Variants in SLC5A10 observed in about 807,000 individuals in gnomAD.
SLC5A10 encodes the protein solute carrier family 5 member 10, also known as sodium/mannose cotransporter SLC5A10.
SLC5A10 carries 55 observed loss-of-function variants against 68.9 expected under a neutral mutation model. The ratio of observed to expected loss-of-function variants is 0.80; its 90% CI spans 0.64 to 1.00. The LOEUF is 1.00. Among genes scored for constraint, SLC5A10 ranks in the 50% least tolerant of loss-of-function variants. The pLI, the probability that SLC5A10 is intolerant of heterozygous loss-of-function variation, is 0.00. For missense variants in SLC5A10, 732 were observed against 819.3 expected, an observed-to-expected ratio of 0.89 and a Z score of 1.30; for synonymous variants, 344 against 344.8, an observed-to-expected ratio of 1.00 and a Z score of 0.02.
At chr17:19,012,199 A>G (rs1377392182) in intron 9 of SLC5A10, among the ~76,000 whole-genome samples, 1 of 152,216 alleles carries the variant, frequency 6.6e-6, no homozygotes, top group Non-Finnish European at 1.5e-5. Context: ...CCTACGTATC[A>G]CTAGGCCAAA....
At chr17:18,950,686 A>G (rs760006985), upstream of SLC5A10, 151 of 985,182 alleles carry the variant, frequency 1.5e-4, no homozygotes, top group Non-Finnish European at 1.7e-4. Flanking sequence ...CTAGTCCTGT[A>G]TGTGAGGACT....
Position 19,003,863 on chromosome 17 carries a change from G to A in SLC5A10, c.983-9547G>A. 1 of 1,613,034 alleles carries A rather than the reference G, an allele frequency of 6.2e-7. No individual in the cohort carries two copies. Among genetic ancestry groups the A allele is most frequent in the Non-Finnish European group, 8.5e-7 (1 of 1,179,930 alleles). ...CAGGATGCGCTTGAGCTCCAGCTCCGAGAGGAAGTCTCGGATGTTCTCCCG... is the reference window on the plus strand; with the variant it reads ...CAGGATGCGCTTGAGCTCCAGCTCCAAGAGGAAGTCTCGGATGTTCTCCCG... On this transcript the variant is annotated intron_variant, in intron 9 of 14. Transcript: ENST00000395645. This position sits in a 1 kb window ranked among gnomAD's most constrained non-coding sequence, Gnocchi z 4.5.
chr17:18,968,921 C>T lies in SLC5A10; in HGVS notation c.454-131C>T, dbSNP rs1366736950. On this transcript the variant is annotated intron_variant, in intron 5 of 14. Transcript: ENST00000395645. The surrounding 1 kb of genome is among the most constrained non-coding windows in gnomAD (Gnocchi z 4.1). ...TGGCCCCGTGATGCAGGCAGGCAGG[C>T]GAGTGGGGGTCTCCCCTCCTTATCC... 10 of 747,808 alleles carry T rather than the reference C, an allele frequency of 1.3e-5. No individual in the cohort carries two copies. The highest frequency in any genetic ancestry group is 6.8e-4 in the Middle Eastern group (2 of 2,944). The allele number at this position is 747,808 out of a possible 1,614,324, so 46.3% of individuals were successfully genotyped here. A position where few individuals can be genotyped will look rare whatever the true frequency, so the allele number is the denominator to read the frequency against.
chr17:19,019,952 C>T (rs1158400168), intron 13 of SLC5A10, 24 bp downstream of exon 13: 1 of 1,573,744 alleles, frequency 6.4e-7, no homozygotes, highest in African/African-American at 1.4e-5. Flanking sequence ...GACCCCTGAC[C>T]CTGACCCCTA....
chr17:18,959,708 T>C, intron 4 of SLC5A10, 45 bp downstream of exon 4: 1 of 1,594,490 alleles, frequency 6.3e-7, no homozygotes, highest in East Asian at 2.2e-5. Flanking sequence ...TGGGCCTTGG[T>C]CCAAGTTGGT....
In SLC5A10 at chr17:19,004,078, T is replaced by C; in HGVS notation, c.983-9332T>C. 1 of 1,550,192 alleles carries C rather than the reference T, an allele frequency of 6.5e-7. No homozygotes were observed. The highest frequency in any genetic ancestry group is 8.7e-7 in the Non-Finnish European group (1 of 1,148,176). Reference sequence around the variant, plus strand: ...CCCGGGCACTGCTGCCGGGGGTGGGTGGGCAAGGTCCAGCTCCTAGCTCCG... The same window carrying C: ...CCCGGGCACTGCTGCCGGGGGTGGGCGGGCAAGGTCCAGCTCCTAGCTCCG... On this transcript the variant is annotated intron_variant, in intron 9 of 14. Transcript: ENST00000395645. This position sits in a 1 kb window ranked among gnomAD's most constrained non-coding sequence, Gnocchi z 5.4.
At chr17:18,973,451 T>C (rs887508592) in intron 8 of SLC5A10, among the ~76,000 whole-genome samples, 1 of 152,214 alleles carries the variant, frequency 6.6e-6, no homozygotes, top group Non-Finnish European at 1.5e-5. Flanking sequence ...GCCTGGCCTC[T>C]GCCCTACCTC....
Position 19,019,481 on chromosome 17 carries a change from T to C in SLC5A10, c.1300T>C (p.Ser434Pro). The change falls in exon 12 of 15, where the codon TCC becomes CCC. Residue 434 changes from serine (S) to proline (P), a missense_variant. Ser to Pro is a moderately conservative substitution (Grantham distance 74). Coordinates refer to ENST00000395645, the MANE Select transcript of SLC5A10 (RefSeq NM_001042450.4). ...SVAWIPVLQD[S>P]NSGQLFIYMQ... ...GGCCTGGATCCCCGTCCTGCAGGAC[T>C]CCAACAGCGGGCAACTCTTCATCTA... 3 of 1,612,360 alleles carry C rather than the reference T, an allele frequency of 1.9e-6. No individual in the cohort carries two copies. The highest frequency in any genetic ancestry group is 2.5e-6 in the Non-Finnish European group (3 of 1,179,950).
At chr17:19,015,225 G>T (rs1193636929) in intron 11 of SLC5A10, 26 bp downstream of exon 11, 2 of 1,043,648 alleles carry the variant, frequency 1.9e-6, no homozygotes, top group Non-Finnish European at 2.8e-6. Flanking sequence ...CCAGTACGGG[G>T]GTGGGGGAAC....
At chr17:18,977,279 T>A (rs890897892) in intron 9 of SLC5A10, 1 of 580,810 alleles carries the variant, frequency 1.7e-6, no homozygotes, top group East Asian at 2.9e-5. Context: ...GTGCCACCCA[T>A]CTGGCAGGTG....
intron 9 of SLC5A10, chr17:18,979,193 C>T (rs2043066325): frequency 2.1e-6 from 1 of 470,830 alleles, no homozygotes; most frequent in South Asian, 2.5e-5. Context: ...CACCAACCCC[C>T]ATGTAACCAT....
intron 9 of SLC5A10, chr17:18,986,108 GT>G (rs1016174048): frequency 6.6e-6 from 1 of 152,296 alleles, no homozygotes; most frequent in African/African-American, 2.4e-5. Context: ...CCAGTGAGCC[GT>G]GTGGGCAGCA....
intron 7 of SLC5A10, 73 bp downstream of exon 7, chr17:18,969,495 A>G (rs1012913370): frequency 2.1e-6 from 3 of 1,407,676 alleles, no homozygotes; most frequent in Non-Finnish European, 3.0e-6. Context: ...ACTGCCCGGC[A>G]CTGTGCAGGA....
chr17:18,991,725 C>A (rs1021676073), intron 9 of SLC5A10, among the ~76,000 whole-genome samples: 1 of 152,204 alleles, frequency 6.6e-6, no homozygotes, highest in Non-Finnish European at 1.5e-5. Context: ...AGCCGACGGG[C>A]AGCTCCCAGC....
chr17:18,973,189 G>A (rs951912519), intron 8 of SLC5A10, among the ~76,000 whole-genome samples: 5 of 152,332 alleles, frequency 3.3e-5, no homozygotes, highest in South Asian at 4.1e-4. Flanking sequence ...CTTTACACCC[G>A]CCACCTCCCA....
intron 1 of SLC5A10, among the ~76,000 whole-genome samples, chr17:18,953,301 G>A (rs2032803591): frequency 6.6e-6 from 1 of 151,826 alleles, no homozygotes; most frequent in Non-Finnish European, 1.5e-5. Flanking sequence ...CCCAGGTAAT[G>A]TTTTGTATTT....
chr17:18,962,933 A>C (rs1004995514), intron 5 of SLC5A10, among the ~76,000 whole-genome samples: 1 of 152,160 alleles, frequency 6.6e-6, no homozygotes, highest in Admixed American at 6.6e-5. Context: ...AGAAAGGCAG[A>C]GGGGGCCGGC....
At chr17:18,981,774 C>G (rs567061522) in intron 9 of SLC5A10, among the ~76,000 whole-genome samples, 10 of 152,344 alleles carry the variant, frequency 6.6e-5, no homozygotes, top group Admixed American at 2.6e-4. Flanking sequence ...CGCCGGCCCC[C>G]CACCCCGCAG....
At chr17:18,978,358 G>T in intron 9 of SLC5A10, 1 of 1,598,898 alleles carries the variant, frequency 6.3e-7, no homozygotes, top group Non-Finnish European at 8.5e-7. Context: ...GGGGGTTCCA[G>T]ATGTTGGGGT....
Sources: gnomAD v4.1 joint callset for allele counts (sites outside exome capture counted in the v4.1 genomes callset) on GRCh38, gnomAD v4.1.1 for gene constraint, Gnocchi (gnomAD v3.1) non-coding constraint, MANE v1.5 for transcripts, NCBI Gene and HGNC (gene_info 2026-07-23, HGNC 2026-07-21) for gene names.